CLGN: variants seen among roughly 807,000 people sequenced by gnomAD.
CLGN encodes the protein testis tissue sperm-binding protein Li 79P.
In CLGN, 62 loss-of-function variants were observed where a neutral mutation model predicts 79.1. That is an observed-to-expected ratio of 0.78 (90% CI 0.64 to 0.97). CLGN has a LOEUF of 0.97. CLGN is among the 50% of genes least tolerant of loss of function. The probability of loss-of-function intolerance (pLI) is 0.00; values close to 1 mark genes in which losing one functional copy is unlikely to be tolerated. For missense variants in CLGN, 647 were observed against 715.5 expected (o/e 0.90, Z 1.09); for synonymous variants, 225 against 224.7 (o/e 1.00, Z -0.01).
intron 5 of CLGN, 87 bp downstream of exon 5, chr4:140,405,855 C>T: frequency 7.5e-7 from 1 of 1,330,942 alleles, no homozygotes. Context: ...TAGATTTTCA[C>T]ATCCATTTTC....
intron 1 of CLGN, among the ~76,000 whole-genome samples, chr4:140,426,944 A>G (rs1318565036): frequency 6.6e-6 from 1 of 152,216 alleles, no homozygotes; most frequent in Non-Finnish European, 1.5e-5. Flanking sequence ...GGGAGCGGCC[A>G]ACAGTCCCTG....
At chr4:140,413,535 C>T (rs1216532398) in intron 1 of CLGN, among the ~76,000 whole-genome samples, 2 of 152,230 alleles carry the variant, frequency 1.3e-5, no homozygotes, top group African/African-American at 2.4e-5. Flanking sequence ...GAGGCATTGC[C>T]TCACTCGGGA....
rs932847010 is a variant in CLGN, at chr4:140,406,111, C to T, written c.278-28G>A. On this transcript the variant is annotated intron_variant, in intron 4 of 14. Transcript: ENST00000325617. Reference sequence around the variant, plus strand: ...AAAAAATAAAGCAAAGCAAATTAAACTAAAACAGAAAACATTGACCTAAGA... The same window carrying T: ...AAAAAATAAAGCAAAGCAAATTAAATTAAAACAGAAAACATTGACCTAAGA... 1.9e-6 allele frequency: 3 copies of T among 1,603,052 alleles called. No individual in the cohort carries two copies. The Admixed American group carries it at 5.1e-5, about 27-fold the overall frequency.
intron 12 of CLGN, 26 bp downstream of exon 12, chr4:140,392,560 A>C (rs778159870): frequency 6.4e-7 from 1 of 1,571,768 alleles, no homozygotes; most frequent in South Asian, 1.2e-5. Flanking sequence ...GGGTGAAAAA[A>C]GTTGAAGGAA....
At chr4:140,407,550 A>G (rs1414647369) in intron 4 of CLGN, among the ~76,000 whole-genome samples, 1 of 151,686 alleles carries the variant, frequency 6.6e-6, no homozygotes, top group African/African-American at 2.4e-5. Context: ...CAAACTGAAA[A>G]TCAAATCAAG....
At chr4:140,404,227 G>A (rs1441196207) in intron 5 of CLGN, among the ~76,000 whole-genome samples, 1 of 151,834 alleles carries the variant, frequency 6.6e-6, no homozygotes, top group Non-Finnish European at 1.5e-5. Flanking sequence ...CCGAGTAGCT[G>A]GGGCTACAGG....
intron 1 of CLGN, among the ~76,000 whole-genome samples, chr4:140,413,406 G>C (rs775108800): frequency 6.6e-6 from 1 of 152,194 alleles, no homozygotes; most frequent in Non-Finnish European, 1.5e-5. Flanking sequence ...TGTGAGCGAC[G>C]CAGAAGACGG....
intron 2 of CLGN, 143 bp from the exon 3 acceptor site, chr4:140,410,769 C>G (rs1729195868): frequency 1.7e-6 from 1 of 586,722 alleles, no homozygotes; most frequent in South Asian, 2.2e-5. Flanking sequence ...GGATACAAAA[C>G]TTTGTACCTA....
Position 140,395,820 on chromosome 4 carries a change from T to C in CLGN, c.1148A>G (p.Gln383Arg). 6.8e-7 allele frequency: 1 copy of C among 1,473,998 alleles called. No homozygotes were observed. Among genetic ancestry groups the C allele is most frequent in the South Asian group, 1.6e-5 (1 of 61,434 alleles). 91.3% of individuals were successfully genotyped at this position (1,473,998 alleles called of 1,614,324 possible). The change falls in exon 10 of 15, where the codon CAG becomes CGG. Residue 383 changes from glutamine (Q) to arginine (R), a missense_variant and splice_region_variant. Coordinates refer to ENST00000325617, the MANE Select transcript of CLGN (RefSeq NM_004362.3). ...RPPLVDNPNY[Q>R]GIWSPRKIPN... is the part of the protein sequence containing the mutation. ...ATAATTGGAACAAGCGGTTGTTACC[T>C]GATAGTTAGGATTATCGACCAGTGG... is the stretch of plus-strand genomic sequence containing the variant.
chr4:140,423,383 T>A (rs1396197371), intron 1 of CLGN, among the ~76,000 whole-genome samples: 1 of 152,206 alleles, frequency 6.6e-6, no homozygotes, highest in Non-Finnish European at 1.5e-5. Flanking sequence ...TAGGAATAAA[T>A]CCAACATGGT....
intron 8 of CLGN, among the ~76,000 whole-genome samples, chr4:140,397,240 C>T (rs549672788): frequency 3.9e-5 from 6 of 151,914 alleles, no homozygotes; most frequent in Admixed American, 1.3e-4. Flanking sequence ...CCTGTCCTTG[C>T]GAAGAGTGTT....
intron 6 of CLGN, among the ~76,000 whole-genome samples, chr4:140,401,230 T>G (rs573330214): frequency 6.6e-6 from 1 of 152,278 alleles, no homozygotes; most frequent in East Asian, 1.9e-4. Context: ...GATAAAGTGC[T>G]TATAGAAATA....
chr4:140,425,052 C>T lies in CLGN; in HGVS notation c.-10+2485G>A, dbSNP rs532148192. 2.6e-5 allele frequency among the ~76,000 whole-genome samples: 4 copies of T among 152,256 alleles called. No individual in the cohort carries two copies. In the South Asian group the frequency reaches 8.3e-4, roughly 32 times the overall value. On this transcript the variant is annotated intron_variant, in intron 1 of 14. Coordinates refer to ENST00000325617, the MANE Select transcript of CLGN (RefSeq NM_004362.3). ...GGTATTGAAGTAATGCTCACTGTCA[C>T]ATCAAAGGTAAGTAAGGCACACAAA...
rs540837715 is a variant in CLGN, at chr4:140,402,782, G to A, written c.420-716C>T. Reference sequence around the variant, plus strand: ...CTATGGCAATGAGGCATAGACTTACGAGATTTTTTGTTGTTAAATTAACGA... The same window carrying A: ...CTATGGCAATGAGGCATAGACTTACAAGATTTTTTGTTGTTAAATTAACGA... On this transcript the variant is annotated intron_variant, in intron 5 of 14. Coordinates refer to ENST00000325617, the MANE Select transcript of CLGN (RefSeq NM_004362.3). Among the ~76,000 whole-genome samples, 4 of 151,974 alleles carry A rather than the reference G, an allele frequency of 2.6e-5. No individual in the cohort carries two copies. In the South Asian group the frequency reaches 8.3e-4, roughly 31 times the overall value.
intron 4 of CLGN, 103 bp downstream of exon 4, chr4:140,409,734 G>T: frequency 1.7e-6 from 1 of 605,174 alleles, no homozygotes; most frequent in Non-Finnish European, 2.9e-6. Context: ...TGTGAGGCAG[G>T]GTGGGGGACT....
chr4:140,405,342 G>A (rs1481960505), intron 5 of CLGN, among the ~76,000 whole-genome samples: 1 of 149,520 alleles, frequency 6.7e-6, no homozygotes, highest in East Asian at 2.0e-4. Flanking sequence ...CCGCCACTAC[G>A]CCCGGCTAAT....
At chr4:140,404,243 G>A (rs900624039) in intron 5 of CLGN, among the ~76,000 whole-genome samples, 5 of 151,678 alleles carry the variant, frequency 3.3e-5, no homozygotes, top group South Asian at 2.1e-4. Context: ...ACAGGCGCCT[G>A]CCACCACACC....
chr4:140,393,752 C>G, intron 11 of CLGN, 74 bp downstream of exon 11: 1 of 1,290,448 alleles, frequency 7.7e-7, no homozygotes. Flanking sequence ...AAAGAGCCAT[C>G]TGAATAACCT....
intron 4 of CLGN, among the ~76,000 whole-genome samples, 186 bp from the exon 5 acceptor site, chr4:140,406,269 A>G (rs1464329049): frequency 6.6e-6 from 1 of 152,216 alleles, no homozygotes; most frequent in African/African-American, 2.4e-5. Flanking sequence ...TTTCTATCAA[A>G]GAATGATTTC....
Sources: gnomAD v4.1 joint callset for allele counts (sites outside exome capture counted in the v4.1 genomes callset) on GRCh38, gnomAD v4.1.1 for gene constraint, MANE v1.5 for transcripts, NCBI Gene and HGNC (gene_info 2026-07-23, HGNC 2026-07-21) for gene names.